The following TRMT1L variants were observed in gnomAD, a reference collection of about 807,000 sequenced individuals.
TRMT1L encodes the protein tRNA methyltransferase 1L.
TRMT1L carries 28 observed loss-of-function variants against 81.6 expected under a neutral mutation model. That is an observed-to-expected ratio of 0.34 (90% confidence interval 0.25 to 0.47). The LOEUF (loss-of-function observed/expected upper bound fraction) is 0.47, where lower values mean the gene tolerates loss of function less well. TRMT1L is among the 20% of genes least tolerant of loss of function. The pLI is 1.00. For synonymous variants in TRMT1L, 301 were observed against 303.2 expected (o/e 0.99, Z 0.07); for missense variants, 739 against 877.1 (o/e 0.84, Z 1.99).
chr1:185,127,291 C>A (rs923776569), intron 11 of TRMT1L, among the ~76,000 whole-genome samples: 4 of 152,120 alleles, frequency 2.6e-5, no homozygotes, highest in Non-Finnish European at 2.9e-5. Flanking sequence ...CTAGATCTTT[C>A]TTAATCTAAG....
intron 10 of TRMT1L, among the ~76,000 whole-genome samples, chr1:185,133,008 C>T (rs1652811478): frequency 6.6e-6 from 1 of 152,188 alleles, no homozygotes; most frequent in Non-Finnish European, 1.5e-5. Flanking sequence ...ACAATCCAAA[C>T]TACAACAGGA....
intron 11 of TRMT1L, among the ~76,000 whole-genome samples, chr1:185,127,116 A>T (rs1324140580): frequency 1.3e-5 from 2 of 152,254 alleles, no homozygotes; most frequent in African/African-American, 4.8e-5. Flanking sequence ...ACTGTGCCAT[A>T]GTTTCCTCAT....
At chr1:185,128,555 C>T (rs1420762185) in intron 11 of TRMT1L, 114 bp downstream of exon 11, 8 of 994,112 alleles carry the variant, frequency 8.0e-6, no homozygotes, top group African/African-American at 4.8e-5. Flanking sequence ...AATTATTTGC[C>T]TAGACTTAAC....
intron 9 of TRMT1L, among the ~76,000 whole-genome samples, chr1:185,138,526 A>G (rs1486108786): frequency 2.0e-5 from 3 of 152,174 alleles, no homozygotes; most frequent in African/African-American, 7.2e-5. Context: ...GGGGCTGGCA[A>G]GTGAGCTGGC....
At chr1:185,146,310 C>T (rs962181663) in intron 4 of TRMT1L, among the ~76,000 whole-genome samples, 5 of 151,926 alleles carry the variant, frequency 3.3e-5, no homozygotes, top group Admixed American at 2.0e-4. Context: ...CGTACTTATC[C>T]GAGTAAAAAA....
At chr1:185,147,615 T>C (rs1653224114) in intron 3 of TRMT1L, among the ~76,000 whole-genome samples, 1 of 152,150 alleles carries the variant, frequency 6.6e-6, no homozygotes, top group African/African-American at 2.4e-5. Flanking sequence ...ATTGATATAT[T>C]TGCCATTATA....
At chr1:185,139,624 C>A in intron 8 of TRMT1L, 45 bp from the exon 9 acceptor site, 3 of 1,312,172 alleles carry the variant, frequency 2.3e-6, no homozygotes, top group Non-Finnish European at 2.1e-6. Context: ...ATATTAGTAA[C>A]AAAAATTATA....
rs757035721 is a variant in TRMT1L, at chr1:185,150,365, AC to A, written c.460+13del. ...TCATATATATTACTTCTTTGCAAGC[AC>A]AAAAATACTAACCTTCAAATTCAAC... On this transcript the variant is annotated intron_variant, in intron 3 of 14. Transcript: ENST00000367506. The A allele has an allele frequency of 1.2e-5, 19 of 1,582,376 alleles. No homozygotes were observed. The African/African-American group carries it at 2.2e-4, about 18-fold the overall frequency.
At chr1:185,147,116 A>T in intron 4 of TRMT1L, 66 bp downstream of exon 4, 3 of 1,133,698 alleles carry the variant, frequency 2.6e-6, no homozygotes, top group Non-Finnish European at 3.9e-6. Context: ...TTTCACAGTA[A>T]GTAAAAATTA....
At chr1:185,145,834 T>C (rs754870246) in intron 4 of TRMT1L, among the ~76,000 whole-genome samples, 1 of 151,996 alleles carries the variant, frequency 6.6e-6, no homozygotes, top group Non-Finnish European at 1.5e-5. Context: ...ATAGGTTGCA[T>C]TTAAAAATGG....
Position 185,125,203 on chromosome 1 carries a change from A to G in TRMT1L, c.1593-93T>C, listed in dbSNP as rs910229905. On this transcript the variant is annotated intron_variant, in intron 11 of 14. Transcript: ENST00000367506. ...CAATTTAACTATAAGTAAGATATATAATTAATTATATGACAGAGTAATACT... is the reference window on the plus strand; with the variant it reads ...CAATTTAACTATAAGTAAGATATATGATTAATTATATGACAGAGTAATACT... The G allele has an allele frequency of 1.1e-4, 89 of 818,558 alleles. No homozygotes were observed. In the African/African-American group the frequency reaches 1.3e-3, roughly 12 times the overall value. 50.7% of individuals were successfully genotyped at this position (818,558 alleles called of 1,614,324 possible).
chr1:185,156,503 G>C lies in TRMT1L; in HGVS notation c.210C>G (p.Ala70=). The change falls in exon 1 of 15, where the codon GCC becomes GCG. Residue 70 remains alanine (A), a synonymous_variant. Coordinates refer to ENST00000367506, the MANE Select transcript of TRMT1L (RefSeq NM_030934.5). ...TGCTTTTAGCCTCCTCAGGGGCAGA[G>C]GCTAGGGACGGGGACAGGGCCGGAG... ...AQAPALSPSL[A]SAPEEAKSKR... 6.2e-7 allele frequency: 1 copy of C among 1,613,910 alleles called. No homozygotes were observed. Among genetic ancestry groups the C allele is most frequent in the Non-Finnish European group, 8.5e-7 (1 of 1,179,898 alleles).
In TRMT1L at chr1:185,119,975, T is replaced by C; in HGVS notation, c.*44A>G. On this transcript the variant is annotated 3_prime_UTR_variant, in exon 15 of 15. Transcript: ENST00000367506. ...AACTACAGTTGGTATAGAGAACTAT[T>C]AGGCCATCTATACAGACACCTGAGA... The C allele has an allele frequency of 6.3e-7, 1 of 1,591,892 alleles. No individual in the cohort carries two copies. Among genetic ancestry groups the C allele is most frequent in the Non-Finnish European group, 8.6e-7 (1 of 1,166,914 alleles).
At chr1:185,132,200 T>C (rs1283873243) in intron 10 of TRMT1L, among the ~76,000 whole-genome samples, 1 of 151,316 alleles carries the variant, frequency 6.6e-6, no homozygotes, top group Non-Finnish European at 1.5e-5. Flanking sequence ...TTATCAGAGC[T>C]GAAGAGCTCA....
intron 10 of TRMT1L, among the ~76,000 whole-genome samples, chr1:185,129,518 T>C (rs772806305): frequency 2.0e-4 from 30 of 152,184 alleles, no homozygotes; most frequent in Non-Finnish European, 4.0e-4. Flanking sequence ...AAGGCCCAAA[T>C]AGTCATTTTA....
At chr1:185,133,097 T>C (rs1009530366) in intron 10 of TRMT1L, among the ~76,000 whole-genome samples, 15 of 152,146 alleles carry the variant, frequency 9.9e-5, no homozygotes, top group African/African-American at 3.4e-4. Flanking sequence ...GCATTGAAAA[T>C]GTAGCAAAGA....
chr1:185,151,747 C>T (rs1653355755), intron 2 of TRMT1L, 78 bp downstream of exon 2: 1 of 991,706 alleles, frequency 1.0e-6, no homozygotes, highest in Admixed American at 3.1e-5. Context: ...TCTACTCTTA[C>T]CAAACTTATT....
At chr1:185,153,233 C>G (rs1412753689) in intron 1 of TRMT1L, among the ~76,000 whole-genome samples, 1 of 152,066 alleles carries the variant, frequency 6.6e-6, no homozygotes, top group Non-Finnish European at 1.5e-5. Context: ...ATGAATAAGT[C>G]TAAAATAAGT....
chr1:185,152,695 GAAGTA>G (rs1653395494), intron 1 of TRMT1L, among the ~76,000 whole-genome samples: 1 of 152,158 alleles, frequency 6.6e-6, no homozygotes, highest in Non-Finnish European at 1.5e-5. Flanking sequence ...TGGGATATGA[GAAGTA>G]AAGGTGAAGG....
Sources: allele counts gnomAD v4.1 joint callset (sites outside exome capture counted in the v4.1 genomes callset), GRCh38; gene constraint gnomAD v4.1.1; transcripts MANE v1.5; gene names NCBI Gene and HGNC (gene_info 2026-07-23, HGNC 2026-07-21).